KAT14: variants seen among roughly 807,000 people sequenced by gnomAD.
KAT14 encodes the protein cysteine-rich protein 2-binding protein.
Under a neutral mutation model 78.4 loss-of-function variants are expected in KAT14, and 66 were observed. The observed-to-expected ratio is 0.84, with a 90% CI of 0.69 to 1.03. KAT14 has a LOEUF of 1.03. Ranked by LOEUF, KAT14 falls within the 50% of genes least tolerant of loss-of-function variation. The probability of loss-of-function intolerance (pLI) is 0.00; values close to 1 mark genes in which losing one functional copy is unlikely to be tolerated. For synonymous variants in KAT14, 344 were observed against 359.4 expected, an observed-to-expected ratio of 0.96 and a Z score of 0.48; for missense variants, 870 against 972.5, an observed-to-expected ratio of 0.89 and a Z score of 1.40.
At chr20:18,169,377 G>T (rs2038769769) in intron 7 of KAT14, among the ~76,000 whole-genome samples, 1 of 152,246 alleles carries the variant, frequency 6.6e-6, no homozygotes, top group African/African-American at 2.4e-5. Context: ...CTAGTAGTGT[G>T]TGCTTACTTT....
At chr20:18,184,479 T>G in intron 9 of KAT14, 123 bp from the exon 10 acceptor site, 2 of 940,296 alleles carry the variant, frequency 2.1e-6, no homozygotes, top group South Asian at 1.7e-5. Context: ...TACCTCCAGT[T>G]TTGGTGTTTT....
rs748799943 is a variant in KAT14 at position 18,162,669 on chromosome 20, C to T, written c.1392C>T (p.Ile464=). Residue 464 remains isoleucine, a synonymous_variant, in exon 7 of 11, where the codon ATC becomes ATT. Coordinates refer to ENST00000688188, the MANE Select transcript of KAT14 (RefSeq NM_001392073.1). ...AGCCCAGGTATACTCCCGTGAGCAT[C>T]TACGAGGAAAAGCTGCTGCTCAAGA... The part of the protein sequence containing the change: ...PKEPRYTPVS[I]YEEKLLLKRL... 6.2e-7 allele frequency: 1 copy of T among 1,614,232 alleles called. No individual in the cohort carries two copies. Among genetic ancestry groups the T allele is most frequent in the South Asian group, 1.1e-5 (1 of 91,088 alleles).
At position 18,162,103 on chromosome 20, in the gene KAT14, G is replaced by T. The variant is rs147829754; in HGVS notation, c.963G>T (p.Pro321=). The T allele has an allele frequency of 6.2e-7, 1 of 1,614,162 alleles. No homozygotes were observed. Residue 321 remains proline, a synonymous_variant, in exon 6 of 11, where the codon CCG becomes CCT. Coordinates refer to ENST00000688188, the MANE Select transcript of KAT14 (RefSeq NM_001392073.1). The part of the protein sequence containing the change: ...FSSLSSSDRT[P]LTSPSPSPSL... ...CCTTGAGCTCCTCTGACCGCACCCCGCTGACAAGCCCATCTCCTTCTCCTT... is the reference window on the plus strand; with the variant it reads ...CCTTGAGCTCCTCTGACCGCACCCCTCTGACAAGCCCATCTCCTTCTCCTT...
intron 5 of KAT14, 97 bp downstream of exon 5, chr20:18,159,362 C>A (rs1205288679): frequency 7.1e-7 from 1 of 1,406,220 alleles, no homozygotes; most frequent in African/African-American, 1.5e-5. Flanking sequence ...GCATGGCTCG[C>A]AGGCCTCTCT....
chr20:18,162,315 GCTGTGTGCT>G, intron 6 of KAT14, 53 bp from the exon 7 acceptor site: 1 of 1,604,530 alleles, frequency 6.2e-7, no homozygotes, highest in Non-Finnish European at 8.5e-7. Flanking sequence ...CACCCCGTGG[GCTGTGTGCT>G]CTGCATTTCT....
intron 7 of KAT14, among the ~76,000 whole-genome samples, chr20:18,169,773 A>T (rs896993970): frequency 6.6e-6 from 1 of 152,274 alleles, no homozygotes; most frequent in Non-Finnish European, 1.5e-5. Flanking sequence ...AAAAGCAGAG[A>T]TAGGCTGAAA....
At chr20:18,185,117 A>G (rs2039411950) in intron 10 of KAT14, among the ~76,000 whole-genome samples, 1 of 152,262 alleles carries the variant, frequency 6.6e-6, no homozygotes, top group South Asian at 2.1e-4. Flanking sequence ...TACTGCTCTT[A>G]GGATCATCAC....
intron 7 of KAT14, among the ~76,000 whole-genome samples, chr20:18,164,087 A>G (rs1205195): frequency 0.98 from 149,985 of 152,300 alleles, 73,859 homozygotes; most frequent in East Asian, 1. Context: ...TGGGCAGTGG[A>G]CTGGATTTAG....
chr20:18,170,116 G>A (rs777847594), intron 7 of KAT14, among the ~76,000 whole-genome samples: 5 of 152,234 alleles, frequency 3.3e-5, no homozygotes, highest in Non-Finnish European at 5.9e-5. Flanking sequence ...ACAAAAGAGT[G>A]CAAGTTAAAG....
chr20:18,183,111 G>A lies in KAT14; in HGVS notation c.1806-12G>A, dbSNP rs1330764280. 11 of 1,594,182 alleles carry A rather than the reference G, an allele frequency of 6.9e-6. No homozygotes were observed. Among genetic ancestry groups the A allele is most frequent in the East Asian group, 4.5e-5 (2 of 44,470 alleles). On this transcript the variant is annotated splice_polypyrimidine_tract_variant and intron_variant, in intron 8 of 10. Transcript: ENST00000688188. Reference sequence around the variant, plus strand: ...CTTGACTTGAATTTGTTTATCTTCTGTGGTACCGGAGGCGTGATTATGAAA... The same window carrying A: ...CTTGACTTGAATTTGTTTATCTTCTATGGTACCGGAGGCGTGATTATGAAA...
At position 18,183,191 on chromosome 20, in the gene KAT14, G is replaced by A. The variant is rs375470223; in HGVS notation, c.1874G>A (p.Ser625Asn). The A allele has an allele frequency of 3.1e-6, 5 of 1,613,974 alleles. No homozygotes were observed. In the African/African-American group the frequency reaches 5.3e-5, roughly 17 times the overall value. ...LSQIRSHLHRSDPHWTPEPDA... is the reference protein window; with the variant it reads ...LSQIRSHLHRNDPHWTPEPDA... ...CAGATTCGTTCCCACCTGCACAGGA[G>A]CGACCCTCACTGGACGCCGGAGCCC... Residue 625 changes from serine (S) to asparagine (N), a missense_variant, in exon 9 of 11, where the codon AGC (serine) becomes AAC (asparagine). Coordinates refer to ENST00000688188, the MANE Select transcript of KAT14 (RefSeq NM_001392073.1).
intron 7 of KAT14, among the ~76,000 whole-genome samples, chr20:18,164,943 C>G (rs2038587356): frequency 6.6e-6 from 1 of 152,068 alleles, no homozygotes; most frequent in South Asian, 2.1e-4. Context: ...GTTCTTTGTT[C>G]TTATTCTTGT....
intron 3 of KAT14, among the ~76,000 whole-genome samples, chr20:18,147,155 G>A (rs1437567900): frequency 5.9e-5 from 9 of 152,118 alleles, no homozygotes; most frequent in African/African-American, 9.7e-5. Context: ...AGCAGCCTTC[G>A]TCTATTATCT....
chr20:18,162,632 C>T lies in KAT14; in HGVS notation c.1355C>T (p.Thr452Ile), dbSNP rs771861001. 1.2e-6 allele frequency: 2 copies of T among 1,614,150 alleles called. No homozygotes were observed. The highest frequency in any genetic ancestry group is 3.3e-5 in the Admixed American group (2 of 60,016). Reference sequence around the variant, plus strand: ...AGGAAGCCTCAGCTGGAGAAGGACACAAAGCCGAAAGAGCCCAGGTATACT... The same window carrying T: ...AGGAAGCCTCAGCTGGAGAAGGACATAAAGCCGAAAGAGCCCAGGTATACT... Reference protein sequence around the residue: ...EKRKPQLEKDTKPKEPRYTPV... With the variant: ...EKRKPQLEKDIKPKEPRYTPV... The change falls in exon 7 of 11, where the codon ACA (threonine) becomes ATA (isoleucine). Residue 452 changes from threonine (T) to isoleucine (I), a missense_variant. By Grantham distance (89) the Thr-to-Ile change is moderately conservative. Coordinates refer to ENST00000688188, the MANE Select transcript of KAT14 (RefSeq NM_001392073.1).
chr20:18,158,930 C>G (rs2038316892), intron 4 of KAT14, among the ~76,000 whole-genome samples, 154 bp from the exon 5 acceptor site: 1 of 152,202 alleles, frequency 6.6e-6, no homozygotes, highest in African/African-American at 2.4e-5. Flanking sequence ...AGCAGGCGAA[C>G]TCCAGAGCCT....
chr20:18,163,082 GA>G, intron 7 of KAT14, 137 bp downstream of exon 7: 6 of 1,182,702 alleles, frequency 5.1e-6, no homozygotes, highest in Non-Finnish European at 7.0e-6. Context: ...AAGTGCAAGG[GA>G]AAAAAATACA....
intron 7 of KAT14, among the ~76,000 whole-genome samples, chr20:18,177,609 A>G (rs956617505): frequency 1.3e-5 from 2 of 152,218 alleles, no homozygotes; most frequent in Admixed American, 6.5e-5. Flanking sequence ...TTTGGTGTCC[A>G]GTTTGGGAAG....
intron 4 of KAT14, among the ~76,000 whole-genome samples, chr20:18,158,275 TTTTG>T (rs1377843741): frequency 6.6e-6 from 1 of 152,176 alleles, no homozygotes; most frequent in Non-Finnish European, 1.5e-5. Flanking sequence ...AGCTTATTTG[TTTTG>T]TTTATTTTCT....
At position 18,162,844 on chromosome 20, in the gene KAT14, G is replaced by A. The variant is rs764869019; in HGVS notation, c.1567G>A (p.Gly523Arg). 3.1e-6 allele frequency: 5 copies of A among 1,614,154 alleles called. No homozygotes were observed. Among genetic ancestry groups the A allele is most frequent in the African/African-American group, 1.3e-5 (1 of 75,038 alleles). The part of the protein sequence containing the change: ...VVNAALLLVD[G>R]IYGAKEGGIS... ...TAATGCTGCTCTTTTGTTAGTTGAC[G>A]GGATTTATGGAGCCAAAGAAGGAGG... The change falls in exon 7 of 11, where the codon GGG becomes AGG. Residue 523 changes from glycine to arginine, a missense_variant. Gly to Arg is a moderately radical substitution (Grantham distance 125). Transcript: ENST00000688188.
Sources: allele counts gnomAD v4.1 joint callset (sites outside exome capture counted in the v4.1 genomes callset), GRCh38; gene constraint gnomAD v4.1.1; transcripts MANE v1.5; gene names NCBI Gene and HGNC (gene_info 2026-07-23, HGNC 2026-07-21).